The following SLC28A1 variants were observed in gnomAD, a reference collection of about 807,000 sequenced individuals.
The protein encoded by SLC28A1 is solute carrier family 28 member 1, also known as sodium/nucleoside cotransporter 1.
A neutral mutation model predicts 74.8 loss-of-function variants in SLC28A1; 64 were observed. That is an observed-to-expected ratio of 0.86 (90% CI 0.70 to 1.05). The LOEUF is 1.05. Among genes scored for constraint, SLC28A1 ranks in the 50% least tolerant of loss-of-function variants. The pLI, the probability that SLC28A1 is intolerant of heterozygous loss-of-function variation, is 0.00. For synonymous variants in SLC28A1, 359 were observed against 335.0 expected, an observed-to-expected ratio of 1.07 and a Z score of -0.78; for missense variants, 828 against 822.8, an observed-to-expected ratio of 1.01 and a Z score of -0.08.
chr15:84,967,580 A>C, the SLC28A1 span, among the ~76,000 whole-genome samples: 1 of 152,222 alleles, frequency 6.6e-6, no homozygotes, highest in African/African-American at 2.4e-5. Context: ...AAGAAACAGG[A>C]AGTTAAATCC....
rs780352916 is a variant in SLC28A1 at position 84,904,227 on chromosome 15, C to T, written c.592C>T (p.His198Tyr). 6 of 1,613,874 alleles carry T rather than the reference C, an allele frequency of 3.7e-6. No individual in the cohort carries two copies. In the East Asian group the frequency reaches 1.3e-4, roughly 36 times the overall value. The change falls in exon 7 of 19, where the codon CAT (histidine) becomes TAT (tyrosine). Residue 198 changes from histidine to tyrosine, a missense_variant. By Grantham distance (83) the His-to-Tyr change is moderately conservative. Around this residue, in one of 3 missense-constraint regions of SLC28A1, gnomAD observed 767 missense variants for 753.5 expected, o/e 1.02. Transcript: ENST00000394573. ...FVALLFACSK[H>Y]HCAVSWRAVS... is the part of the protein sequence containing the mutation. The stretch of plus-strand genomic sequence containing the variant: ...CGCTCTCCTCTTTGCCTGCTCAAAG[C>T]ATCATTGCGCAGTGAGTGCTAGTTG...
At chr15:84,894,368 T>C (rs1390776893) in intron 5 of SLC28A1, among the ~76,000 whole-genome samples, 3 of 82,972 alleles carry the variant, frequency 3.6e-5, no homozygotes, top group African/African-American at 1.7e-4. Context: ...TGAGACCCTA[T>C]CTCCAAAAAA....
intron 12 of SLC28A1, among the ~76,000 whole-genome samples, chr15:84,926,859 A>C (rs1970582542): frequency 6.6e-6 from 1 of 151,344 alleles, no homozygotes; most frequent in Admixed American, 6.6e-5. Context: ...CCCCTTCTTT[A>C]ATCCCAAATT....
At chr15:84,909,812 G>A (rs139416078) in intron 9 of SLC28A1, among the ~76,000 whole-genome samples, 215 of 152,342 alleles carry the variant, frequency 1.4e-3, no homozygotes, top group African/African-American at 4.6e-3. Context: ...TGGTACATCC[G>A]GGACCGCCAT....
At chr15:84,956,560 A>G in the SLC28A1 span, among the ~76,000 whole-genome samples, 1 of 150,352 alleles carries the variant, frequency 6.7e-6, no homozygotes, top group Non-Finnish European at 1.5e-5. Context: ...TGGCACAATC[A>G]TGGCTCACTG....
intron 12 of SLC28A1, among the ~76,000 whole-genome samples, chr15:84,931,862 C>T (rs1407977039): frequency 2.6e-5 from 4 of 151,642 alleles, no homozygotes; most frequent in Non-Finnish European, 4.4e-5. Flanking sequence ...ATTAGCCGGG[C>T]GTGGTGGTGC....
At chr15:84,918,655 A>G in intron 10 of SLC28A1, 51 bp downstream of exon 10, 1 of 1,397,368 alleles carries the variant, frequency 7.2e-7, no homozygotes. Flanking sequence ...ACCAGCTCAC[A>G]GGGTTCACAC....
intron 6 of SLC28A1, among the ~76,000 whole-genome samples, chr15:84,900,587 C>A (rs1966573327): frequency 6.6e-6 from 1 of 151,776 alleles, no homozygotes; most frequent in Non-Finnish European, 1.5e-5. Context: ...CTGCTTAAGC[C>A]CAGGAGTTTG....
Position 84,921,148 on chromosome 15 carries a change from C to G in SLC28A1, c.957+79C>G, listed in dbSNP as rs1969785283. ...GCAGTTTCCCTGGATCCCCAGAGCT[C>G]TGATTCAGTCCAAGGAAGAGCCATT... On this transcript the variant is annotated intron_variant, in intron 11 of 18. Transcript: ENST00000394573. 7 of 1,072,674 alleles carry G rather than the reference C, an allele frequency of 6.5e-6. No homozygotes were observed. In the East Asian group the frequency reaches 1.7e-4, roughly 26 times the overall value. The allele number at this position is 1,072,674 out of a possible 1,614,324, so 66.4% of individuals were successfully genotyped here.
At chr15:84,890,597 A>G in intron 5 of SLC28A1, 63 bp downstream of exon 5, 3 of 1,310,852 alleles carry the variant, frequency 2.3e-6, no homozygotes, top group Middle Eastern at 1.9e-4. Flanking sequence ...TCCATGTCTC[A>G]GGGCAGGGTC....
chr15:84,925,193 A>G (rs1368005737), intron 12 of SLC28A1, among the ~76,000 whole-genome samples: 2 of 146,616 alleles, frequency 1.4e-5, no homozygotes, highest in Non-Finnish European at 3.0e-5. Flanking sequence ...TGCTGGTATT[A>G]CAGGCATGAG....
downstream of SLC28A1, among the ~76,000 whole-genome samples, chr15:84,946,517 G>T (rs1029187501): frequency 3.3e-5 from 5 of 152,060 alleles, no homozygotes; most frequent in Non-Finnish European, 5.9e-5. Context: ...TGCCTAAAGG[G>T]ACAGAGCTGG....
chr15:84,964,385 C>G, the SLC28A1 span, among the ~76,000 whole-genome samples: 7 of 152,140 alleles, frequency 4.6e-5, no homozygotes, highest in African/African-American at 1.4e-4. Flanking sequence ...CTCATTGCCC[C>G]AACAGATCTT....
the SLC28A1 span, chr15:84,975,488 G>A: frequency 1.3e-5 from 6 of 456,084 alleles, no homozygotes; most frequent in East Asian, 6.9e-5. Flanking sequence ...TTCCAGTAAC[G>A]TGTTTCTTGC....
At chr15:84,916,087 C>T (rs1320881858) in intron 9 of SLC28A1, among the ~76,000 whole-genome samples, 5 of 151,296 alleles carry the variant, frequency 3.3e-5, no homozygotes, top group South Asian at 2.1e-4. Flanking sequence ...CTCAGCCTTC[C>T]GAGTAGCTGG....
At chr15:84,924,365 G>A (rs1970233339) in intron 12 of SLC28A1, among the ~76,000 whole-genome samples, 1 of 152,072 alleles carries the variant, frequency 6.6e-6, no homozygotes. Flanking sequence ...TATGCTAGGT[G>A]TTTTAATATC....
the SLC28A1 span, among the ~76,000 whole-genome samples, chr15:84,956,997 A>G: frequency 6.6e-6 from 1 of 152,030 alleles, no homozygotes; most frequent in Non-Finnish European, 1.5e-5. Flanking sequence ...AAATCCATAT[A>G]CCTTGTTTTT....
At chr15:84,916,267 G>T (rs1484688989) in intron 9 of SLC28A1, among the ~76,000 whole-genome samples, 1 of 119,172 alleles carries the variant, frequency 8.4e-6, no homozygotes, top group Admixed American at 8.5e-5. Context: ...TCAAACATGG[G>T]GTCTTACTCT....
rs753988695 is a variant in SLC28A1, at chr15:84,935,170, G to A, written c.1359G>A (p.Val453=). Residue 453 remains valine (V), a synonymous_variant, in exon 14 of 19, where the codon GTG becomes GTA. Transcript: ENST00000394573. The part of the protein sequence containing the change: ...NAALSWLGDM[V]DIQGLSFQLI... Reference sequence around the variant, plus strand: ...CCCTCTCCTGGCTGGGAGACATGGTGGACATCCAAGGGCTCAGCTTCCAGG... The same window carrying A: ...CCCTCTCCTGGCTGGGAGACATGGTAGACATCCAAGGGCTCAGCTTCCAGG... 2 of 1,613,986 alleles carry A rather than the reference G, an allele frequency of 1.2e-6. No individual in the cohort carries two copies. Among genetic ancestry groups the A allele is most frequent in the African/African-American group, 1.3e-5 (1 of 75,038 alleles).
Sources: gnomAD v4.1 joint callset for allele counts (sites outside exome capture counted in the v4.1 genomes callset) on GRCh38, gnomAD v4.1.1 for gene constraint, gnomAD v4.1.1 regional missense constraint, MANE v1.5 for transcripts, NCBI Gene and HGNC (gene_info 2026-07-23, HGNC 2026-07-21) for gene names.